Variants in LGR5 observed in about 807,000 individuals in gnomAD.
The protein encoded by LGR5 is leucine-rich repeat-containing G protein-coupled receptor 5.
A neutral mutation model predicts 76.7 loss-of-function variants in LGR5; 54 were observed. The observed-to-expected ratio is 0.70, with a 90% confidence interval of 0.57 to 0.88. The LOEUF (loss-of-function observed/expected upper bound fraction) is 0.88, where lower values mean the gene tolerates loss of function less well. LGR5 is among the 40% of genes least tolerant of loss of function. LGR5 has a pLI of 0.00. For synonymous variants in LGR5, 406 were observed against 421.9 expected (o/e 0.96, Z 0.46); for missense variants, 1,078 against 1,073.3 (o/e 1.00, Z -0.06).
intron 1 of LGR5, among the ~76,000 whole-genome samples, chr12:71,466,042 T>A (rs1271255110): frequency 2.6e-5 from 4 of 152,234 alleles, no homozygotes; most frequent in African/African-American, 9.6e-5. Flanking sequence ...CTGGGAAGAC[T>A]GGCAAAGTGC....
chr12:71,440,505 T>C lies in LGR5; in HGVS notation c.212+213T>C, dbSNP rs11178798. Among the ~76,000 whole-genome samples, 27,403 of 151,954 alleles carry C rather than the reference T, an allele frequency of 0.18. 2,622 individuals are homozygous for C. The highest frequency in any genetic ancestry group is 0.25 in the Middle Eastern group (72 of 292). ...GGCACTTTCTGGACCCGCAGAGAAA[T>C]GGCTTCGAGTGCAACCCGGGAAAGC... On this transcript the variant is annotated intron_variant, in intron 1 of 17. Coordinates refer to ENST00000266674, the MANE Select transcript of LGR5 (RefSeq NM_003667.4). The surrounding 1 kb of genome is among the most constrained non-coding windows in gnomAD (Gnocchi z 5.3).
intron 17 of LGR5, among the ~76,000 whole-genome samples, chr12:71,582,882 A>G (rs544632681): frequency 6.6e-6 from 1 of 152,160 alleles, no homozygotes; most frequent in South Asian, 2.1e-4. Context: ...TTTGAAAGTG[A>G]CTTAGGTTTT....
At chr12:71,575,081 G>A (rs928650242) in intron 13 of LGR5, among the ~76,000 whole-genome samples, 2 of 152,072 alleles carry the variant, frequency 1.3e-5, no homozygotes, top group African/African-American at 2.4e-5. Context: ...GAATTGCAGC[G>A]CCTGAGATTA....
At chr12:71,517,398 C>T (rs1323664071) in intron 2 of LGR5, among the ~76,000 whole-genome samples, 1 of 152,056 alleles carries the variant, frequency 6.6e-6, no homozygotes, top group Non-Finnish European at 1.5e-5. Flanking sequence ...ACTGAAAGTC[C>T]CTGCCCAAAA....
chr12:71,440,441 C>T lies in LGR5; in HGVS notation c.212+149C>T. ...GGCATCCTGGCCAGGCCTGTTAGGG[C>T]CCCCAGAGAAATGCACGTGTCTCGG... On this transcript the variant is annotated intron_variant, in intron 1 of 17. Transcript: ENST00000266674. This position sits in a 1 kb window ranked among gnomAD's most constrained non-coding sequence, Gnocchi z 5.3. 1.4e-6 allele frequency: 1 copy of T among 723,220 alleles called. No homozygotes were observed. The highest frequency in any genetic ancestry group is 2.3e-6 in the Non-Finnish European group (1 of 427,560). 44.8% of individuals were successfully genotyped at this position (723,220 alleles called of 1,614,324 possible). A position where few individuals can be genotyped will look rare whatever the true frequency, so the allele number is the denominator to read the frequency against.
chr12:71,454,752 C>T (rs1872392286), intron 1 of LGR5, among the ~76,000 whole-genome samples: 1 of 149,322 alleles, frequency 6.7e-6, no homozygotes, highest in Admixed American at 6.7e-5. Flanking sequence ...ATCCACAAGG[C>T]ACACACACAC....
At chr12:71,439,429 G>C (rs148552522), upstream of LGR5, among the ~76,000 whole-genome samples, 225 of 152,222 alleles carry the variant, frequency 1.5e-3, no homozygotes, top group African/African-American at 5.2e-3. Context: ...CGGAGGAAAC[G>C]TGCCGCATCC....
chr12:71,478,656 C>T (rs1873446304), intron 1 of LGR5, among the ~76,000 whole-genome samples: 1 of 152,174 alleles, frequency 6.6e-6, no homozygotes, highest in African/African-American at 2.4e-5. Flanking sequence ...TTTTGTCTCT[C>T]ATTTTTCCAA....
intron 1 of LGR5, among the ~76,000 whole-genome samples, chr12:71,498,189 A>G (rs1466131358): frequency 6.6e-6 from 1 of 152,196 alleles, no homozygotes; most frequent in Admixed American, 6.5e-5. Context: ...ACTGAAAAGG[A>G]AAATTTAATT....
intron 1 of LGR5, among the ~76,000 whole-genome samples, chr12:71,481,267 C>T (rs1873588833): frequency 6.6e-6 from 1 of 151,888 alleles, no homozygotes; most frequent in Non-Finnish European, 1.5e-5. Flanking sequence ...CCCTGACAGG[C>T]CCCAGTGTGT....
At chr12:71,466,749 G>T (rs1419002552) in intron 1 of LGR5, among the ~76,000 whole-genome samples, 2 of 151,986 alleles carry the variant, frequency 1.3e-5, no homozygotes, top group Admixed American at 6.6e-5. Flanking sequence ...GTTTTCTTTG[G>T]TATCTAAGGT....
intron 2 of LGR5, among the ~76,000 whole-genome samples, chr12:71,509,894 G>A (rs1875061393): frequency 6.6e-6 from 1 of 152,174 alleles, no homozygotes; most frequent in South Asian, 2.1e-4. Flanking sequence ...GGTTGGACAT[G>A]ACGAATCTCT....
At chr12:71,532,897 G>A (rs1164357301) in intron 3 of LGR5, among the ~76,000 whole-genome samples, 1 of 151,820 alleles carries the variant, frequency 6.6e-6, no homozygotes, top group Non-Finnish European at 1.5e-5. Context: ...TATCCTATTA[G>A]AAATGTTTAG....
At chr12:71,445,882 G>C (rs896592430) in intron 1 of LGR5, among the ~76,000 whole-genome samples, 11 of 152,142 alleles carry the variant, frequency 7.2e-5, no homozygotes, top group Admixed American at 1.3e-4. Context: ...TTTAAGTCTG[G>C]AATTGGAGAC....
intron 2 of LGR5, among the ~76,000 whole-genome samples, chr12:71,523,461 G>A (rs773473775): frequency 2.2e-4 from 33 of 151,728 alleles, no homozygotes; most frequent in Non-Finnish European, 3.7e-4. Context: ...GGCCAGCCTT[G>A]GCAATAAACC....
Position 71,465,079 on chromosome 12 carries a change from C to A in LGR5, c.212+24787C>A, listed in dbSNP as rs555237031. The stretch of plus-strand genomic sequence containing the variant: ...CGACCAGTTATTGGAGGCAGGCGTC[C>A]CCCTCCCTAGTGCCTCCTCGAAGTA... On this transcript the variant is annotated intron_variant, in intron 1 of 17. Coordinates refer to ENST00000266674, the MANE Select transcript of LGR5 (RefSeq NM_003667.4). Among the ~76,000 whole-genome samples, 19 of 152,232 alleles carry A rather than the reference C, an allele frequency of 1.2e-4. 1 individual carries two copies. The East Asian group carries it at 3.7e-3, about 29-fold the overall frequency.
chr12:71,467,837 C>G (rs1232760233), intron 1 of LGR5, among the ~76,000 whole-genome samples: 1 of 152,068 alleles, frequency 6.6e-6, no homozygotes, highest in Non-Finnish European at 1.5e-5. Context: ...TCATGAAAAT[C>G]CAAAGTATTT....
intron 2 of LGR5, among the ~76,000 whole-genome samples, chr12:71,506,823 C>T (rs1434471209): frequency 6.6e-6 from 1 of 152,114 alleles, no homozygotes; most frequent in African/African-American, 2.4e-5. Flanking sequence ...TTTATAAAAC[C>T]TGGAAAAATG....
At chr12:71,512,692 A>G (rs762303275) in intron 2 of LGR5, among the ~76,000 whole-genome samples, 11 of 152,220 alleles carry the variant, frequency 7.2e-5, no homozygotes, top group Non-Finnish European at 1.2e-4. Context: ...GACTCTGAAT[A>G]GGGTTATGAA....
Sources: allele counts gnomAD v4.1 joint callset (sites outside exome capture counted in the v4.1 genomes callset), GRCh38; gene constraint gnomAD v4.1.1; non-coding constraint Gnocchi (gnomAD v3.1); transcripts MANE v1.5; gene names NCBI Gene and HGNC (gene_info 2026-07-23, HGNC 2026-07-21).